FARSB: variants seen among roughly 807,000 people sequenced by gnomAD.
The protein encoded by FARSB is phenylalanine--tRNA ligase beta subunit.
FARSB carries 40 observed loss-of-function variants against 69.6 expected under a neutral mutation model. That is an observed-to-expected ratio of 0.57 (90% CI 0.45 to 0.75). The LOEUF is 0.75. Ranked by LOEUF, FARSB falls within the 30% of genes least tolerant of loss-of-function variation. The pLI is 0.00. For synonymous variants in FARSB, 235 were observed against 247.2 expected (o/e 0.95, Z 0.46); for missense variants, 632 against 722.9 (o/e 0.87, Z 1.44).
At chr2:222,603,316 T>G (rs1690612453) in intron 15 of FARSB, among the ~76,000 whole-genome samples, 1 of 152,210 alleles carries the variant, frequency 6.6e-6, no homozygotes, top group African/African-American at 2.4e-5. Flanking sequence ...CTAGCAATAG[T>G]TGACATAAAA....
At chr2:222,635,824 A>G (rs1691563732) in intron 5 of FARSB, among the ~76,000 whole-genome samples, 1 of 152,238 alleles carries the variant, frequency 6.6e-6, no homozygotes, top group South Asian at 2.1e-4. Context: ...TCACGCCTGA[A>G]ATCTCAACAC....
intron 5 of FARSB, among the ~76,000 whole-genome samples, chr2:222,635,801 C>A (rs542035116): frequency 4.6e-5 from 7 of 152,296 alleles, no homozygotes; most frequent in African/African-American, 1.7e-4. Flanking sequence ...ATACAGAGGC[C>A]AGGTGAGGTG....
chr2:222,638,547 C>T (rs1008868196), intron 5 of FARSB, among the ~76,000 whole-genome samples: 1 of 152,056 alleles, frequency 6.6e-6, no homozygotes, highest in African/African-American at 2.4e-5. Flanking sequence ...CATATAAACT[C>T]TTTTATATAC....
chr2:222,590,801 T>A (rs771966791), intron 16 of FARSB, among the ~76,000 whole-genome samples: 1 of 152,210 alleles, frequency 6.6e-6, no homozygotes, highest in Admixed American at 6.6e-5. Flanking sequence ...CAAAATTGAC[T>A]CTGTACTGAT....
chr2:222,581,984 G>A (rs1291782412), intron 16 of FARSB, among the ~76,000 whole-genome samples: 1 of 152,150 alleles, frequency 6.6e-6, no homozygotes, highest in Non-Finnish European at 1.5e-5. Context: ...TACAACGTTG[G>A]AACTAGAAAT....
chr2:222,619,808 G>A lies in FARSB; in HGVS notation c.1252-71C>T, dbSNP rs566254209. 7.3e-4 allele frequency: 614 copies of A among 839,124 alleles called. 1 individual carries two copies. The African/African-American group carries it at 9.1e-3, about 12-fold the overall frequency. The allele number at this position is 839,124 out of a possible 1,614,324, so 52.0% of individuals were successfully genotyped here. ...TAAGTTTAAAATAAAAAGTAATGCT[G>A]TAAGTCAACTTCTAAGAGCAATTTA... is the stretch of plus-strand genomic sequence containing the variant. On this transcript the variant is annotated intron_variant, in intron 13 of 16. Coordinates refer to ENST00000281828, the MANE Select transcript of FARSB (RefSeq NM_005687.5).
chr2:222,610,739 T>A (rs1306209345), intron 15 of FARSB, among the ~76,000 whole-genome samples: 1 of 152,226 alleles, frequency 6.6e-6, no homozygotes, highest in Non-Finnish European at 1.5e-5. Flanking sequence ...TCTTATTACG[T>A]GGCTAGAACT....
chr2:222,588,530 GAAAT>G (rs1352146324), intron 16 of FARSB, among the ~76,000 whole-genome samples: 1 of 152,186 alleles, frequency 6.6e-6, no homozygotes, highest in Non-Finnish European at 1.5e-5. Flanking sequence ...GCAGGAGAAA[GAAAT>G]AAAGGGTATT....
At chr2:222,572,305 G>A (rs991372396) in intron 16 of FARSB, among the ~76,000 whole-genome samples, 1 of 152,146 alleles carries the variant, frequency 6.6e-6, no homozygotes, top group Admixed American at 6.5e-5. Context: ...GGCTGCTGAA[G>A]GTCCACAGTC....
At chr2:222,591,223 A>AAG (rs1185106612) in intron 16 of FARSB, among the ~76,000 whole-genome samples, 1 of 151,688 alleles carries the variant, frequency 6.6e-6, no homozygotes, top group East Asian at 1.9e-4. Flanking sequence ...AAAAAAAAAA[A>AAG]AAGGAAAGAA....
chr2:222,612,912 G>C (rs1690895431), intron 15 of FARSB, among the ~76,000 whole-genome samples: 1 of 152,106 alleles, frequency 6.6e-6, no homozygotes, highest in African/African-American at 2.4e-5. Context: ...ACAAGCCCAG[G>C]GCTTACTCAA....
At chr2:222,603,725 AT>A (rs981201675) in intron 15 of FARSB, among the ~76,000 whole-genome samples, 5 of 147,622 alleles carry the variant, frequency 3.4e-5, no homozygotes, top group African/African-American at 1.2e-4. Flanking sequence ...TAAATATAAT[AT>A]TAATTATATA....
intron 11 of FARSB, 69 bp from the exon 12 acceptor site, chr2:222,624,548 C>A: frequency 9.0e-7 from 1 of 1,105,484 alleles, no homozygotes; most frequent in South Asian, 1.3e-5. Context: ...TGTGTTTCAA[C>A]ATATGCTACT....
chr2:222,603,644 C>T (rs577573758), intron 15 of FARSB, among the ~76,000 whole-genome samples: 125 of 145,394 alleles, frequency 8.6e-4, no homozygotes, highest in Middle Eastern at 3.8e-3. Context: ...GGAGCTAATA[C>T]GATTAATTAT....
intron 15 of FARSB, among the ~76,000 whole-genome samples, chr2:222,606,097 G>T (rs968191066): frequency 6.6e-6 from 1 of 152,098 alleles, no homozygotes. Flanking sequence ...TAAGCCCACC[G>T]TAATAATTAG....
At position 222,598,361 on chromosome 2, in the gene FARSB, A is replaced by G. The variant is rs140590040; in HGVS notation, c.1618+1567T>C. ...ACTGATTGAAGCAGGAGAAGTCACA[A>G]TATTAAGATACCAGTTTACAGAAAT... On this transcript the variant is annotated intron_variant, in intron 16 of 16. Coordinates refer to ENST00000281828, the MANE Select transcript of FARSB (RefSeq NM_005687.5). Among the ~76,000 whole-genome samples, 98 of 152,324 alleles carry G rather than the reference A, an allele frequency of 6.4e-4. 1 individual carries two copies. Among genetic ancestry groups the G allele is most frequent in the African/African-American group, 1.5e-3 (63 of 41,584 alleles).
chr2:222,632,272 C>A (rs1366352337), intron 7 of FARSB, among the ~76,000 whole-genome samples: 5 of 152,198 alleles, frequency 3.3e-5, no homozygotes, highest in Non-Finnish European at 7.3e-5. Flanking sequence ...GTGTCAGGTG[C>A]TATGCCAAGC....
At position 222,623,657 on chromosome 2, in the gene FARSB, A is replaced by G; in HGVS notation, c.1244T>C (p.Phe415Ser). The change falls in exon 13 of 17, where the codon TTT (phenylalanine) becomes TCT (serine). Residue 415 changes from phenylalanine to serine, a missense_variant. By Grantham distance (155) the Phe-to-Ser change is radical (BLOSUM62 -2). Coordinates refer to ENST00000281828, the MANE Select transcript of FARSB (RefSeq NM_005687.5). ...AAAGFTEALTFALCSQEDIAD... is the reference protein window; with the variant it reads ...AAAGFTEALTSALCSQEDIAD... ...AAAGCATGTAAGACATACCAGGGCA[A>G]AGGTAAGTGCTTCAGTGAAGCCAGC... 6.3e-7 allele frequency: 1 copy of G among 1,593,246 alleles called. No individual in the cohort carries two copies. The highest frequency in any genetic ancestry group is 8.6e-7 in the Non-Finnish European group (1 of 1,160,900).
intron 5 of FARSB, among the ~76,000 whole-genome samples, chr2:222,639,111 C>A (rs148862683): frequency 6.6e-6 from 1 of 152,158 alleles, no homozygotes; most frequent in Non-Finnish European, 1.5e-5. Flanking sequence ...CATTTAAACT[C>A]AAGTTCTGTC....
Sources: gnomAD v4.1 joint callset for allele counts (sites outside exome capture counted in the v4.1 genomes callset) on GRCh38, gnomAD v4.1.1 for gene constraint, MANE v1.5 for transcripts, NCBI Gene and HGNC (gene_info 2026-07-23, HGNC 2026-07-21) for gene names.